The following CFAP61 variants were observed in gnomAD, a reference collection of about 807,000 sequenced individuals.
CFAP61 encodes cilia and flagella associated protein 61, also known as cilia- and flagella-associated protein 61.
In CFAP61, 107 loss-of-function variants were observed where a neutral mutation model predicts 135.6. That is an observed-to-expected ratio of 0.79 (90% confidence interval 0.67 to 0.93). CFAP61 has a LOEUF of 0.93. CFAP61 is among the 40% of genes least tolerant of loss of function. The pLI, the probability that CFAP61 is intolerant of heterozygous loss-of-function variation, is 0.00. For missense variants in CFAP61, 1,507 were observed against 1,556.2 expected (o/e 0.97, Z 0.53); for synonymous variants, 575 against 578.5 (o/e 0.99, Z 0.09).
chr20:20,303,704 T>G (rs1424362041), intron 25 of CFAP61, among the ~76,000 whole-genome samples: 1 of 152,170 alleles, frequency 6.6e-6, no homozygotes, highest in African/African-American at 2.4e-5. Context: ...TTCCTGACCT[T>G]GGCAGCATCA....
intron 26 of CFAP61, among the ~76,000 whole-genome samples, chr20:20,355,130 G>A (rs1398044052): frequency 6.7e-6 from 1 of 148,934 alleles, no homozygotes; most frequent in African/African-American, 2.5e-5. Flanking sequence ...CACTGTGAGG[G>A]GAGGTGGTCA....
At chr20:20,347,944 A>AAG (rs1555985928) in intron 26 of CFAP61, among the ~76,000 whole-genome samples, 7 of 151,340 alleles carry the variant, frequency 4.6e-5, no homozygotes, top group African/African-American at 9.7e-5. Context: ...AAAAAAAAAA[A>AAG]AAAAAAAAAT....
intron 19 of CFAP61, among the ~76,000 whole-genome samples, chr20:20,246,759 T>C (rs1316196845): frequency 6.6e-6 from 1 of 152,210 alleles, no homozygotes; most frequent in Non-Finnish European, 1.5e-5. Flanking sequence ...AAAACATGGC[T>C]ACAAGAAATA....
rs985375871 is a variant in CFAP61 at position 20,238,300 on chromosome 20, A to G, written c.2061-7817A>G. Among the ~76,000 whole-genome samples, 5 of 152,366 alleles carry G rather than the reference A, an allele frequency of 3.3e-5. No homozygotes were observed. The South Asian group carries it at 1.0e-3, about 32-fold the overall frequency. On this transcript the variant is annotated intron_variant, in intron 18 of 26. Coordinates refer to ENST00000245957, the MANE Select transcript of CFAP61 (RefSeq NM_015585.4). ...TGTGTTGTTGTTAAGACTGAATTAA[A>G]TCTGAGTTATTTTTTAACTAGTAGA...
intron 8 of CFAP61, among the ~76,000 whole-genome samples, chr20:20,099,849 G>A (rs749833552): frequency 1.2e-4 from 18 of 152,160 alleles, no homozygotes; most frequent in Non-Finnish European, 2.1e-4. Flanking sequence ...AGAAGGCAGT[G>A]ACTTGGCTAA....
intron 9 of CFAP61, among the ~76,000 whole-genome samples, chr20:20,156,293 C>G (rs1300016292): frequency 6.6e-6 from 1 of 151,742 alleles, no homozygotes; most frequent in East Asian, 1.9e-4. Context: ...TTTTAACAAA[C>G]TAAAAAAAAA....
rs575362591 is a variant in CFAP61 at position 20,178,514 on chromosome 20, A to G, written c.1385+9054A>G. 3.9e-5 allele frequency among the ~76,000 whole-genome samples: 6 copies of G among 152,304 alleles called. No individual in the cohort carries two copies. In the East Asian group the frequency reaches 1.2e-3, roughly 29 times the overall value. On this transcript the variant is annotated intron_variant, in intron 13 of 26. Coordinates refer to ENST00000245957, the MANE Select transcript of CFAP61 (RefSeq NM_015585.4). ...ACATGATGCTTTTCTGAAATTTGAC[A>G]TTTTAAATGTGGGGAAACGTTTCAG...
chr20:20,296,330 T>TCCTTCCTTCCTTCCTTCCTTC (rs1438602255), intron 24 of CFAP61, among the ~76,000 whole-genome samples: 6 of 39,522 alleles, frequency 1.5e-4, no homozygotes, highest in African/African-American at 5.5e-4. Flanking sequence ...TTCCTTCCCT[T>TCCTTCCTTCCTTCCTTCCTTC]CCTTCCTTCC....
At chr20:20,277,761 T>C (rs2053883704) in intron 22 of CFAP61, among the ~76,000 whole-genome samples, 1 of 152,224 alleles carries the variant, frequency 6.6e-6, no homozygotes, top group South Asian at 2.1e-4. Flanking sequence ...CTCATGCGGC[T>C]GAAGTCAGCA....
At chr20:20,221,606 G>A (rs1180769223) in intron 17 of CFAP61, 1 of 152,130 alleles carries the variant, frequency 6.6e-6, no homozygotes, top group Non-Finnish European at 1.5e-5. Context: ...AGAGAGGGGA[G>A]GCAATTTACG....
At chr20:20,318,936 C>T (rs1173251602) in intron 25 of CFAP61, among the ~76,000 whole-genome samples, 1 of 152,244 alleles carries the variant, frequency 6.6e-6, no homozygotes, top group African/African-American at 2.4e-5. Context: ...GCATAAAATC[C>T]TCCACCACAG....
chr20:20,229,731 A>G (rs1468065261), intron 18 of CFAP61, among the ~76,000 whole-genome samples: 1 of 152,244 alleles, frequency 6.6e-6, no homozygotes, highest in Non-Finnish European at 1.5e-5. Context: ...CAGTTTGTTC[A>G]GTTCTCCAGA....
chr20:20,272,587 C>T (rs2053448501), intron 21 of CFAP61, among the ~76,000 whole-genome samples: 1 of 152,206 alleles, frequency 6.6e-6, no homozygotes, highest in Admixed American at 6.5e-5. Flanking sequence ...GGACACATAA[C>T]TGTCAGCCCC....
At chr20:20,145,080 C>G (rs921046450) in intron 9 of CFAP61, among the ~76,000 whole-genome samples, 12 of 152,062 alleles carry the variant, frequency 7.9e-5, no homozygotes, top group Non-Finnish European at 1.3e-4. Context: ...AAATTTGGCT[C>G]TACACAAAGA....
At chr20:20,224,800 A>G (rs1253400889) in intron 17 of CFAP61, among the ~76,000 whole-genome samples, 1 of 152,236 alleles carries the variant, frequency 6.6e-6, no homozygotes, top group Non-Finnish European at 1.5e-5. Context: ...TTTCCCATCC[A>G]TATTATTCTT....
At chr20:20,144,728 C>G (rs2051724817) in intron 9 of CFAP61, among the ~76,000 whole-genome samples, 1 of 151,964 alleles carries the variant, frequency 6.6e-6, no homozygotes, top group African/African-American at 2.4e-5. Flanking sequence ...ATACCAAAGC[C>G]AGTGGAAAAC....
intron 3 of CFAP61, among the ~76,000 whole-genome samples, 168 bp downstream of exon 3, chr20:20,071,172 G>C (rs968071091): frequency 2.6e-5 from 4 of 152,210 alleles, no homozygotes; most frequent in East Asian, 3.8e-4. Context: ...GTAGTGCCAG[G>C]GGGGATAGGA....
At chr20:20,097,423 CTT>C (rs1568894305) in intron 7 of CFAP61, among the ~76,000 whole-genome samples, 1 of 152,122 alleles carries the variant, frequency 6.6e-6, no homozygotes, top group Admixed American at 6.5e-5. Flanking sequence ...TTTTCTCTCT[CTT>C]TTTAAATTTT....
At chr20:20,118,416 C>T (rs1204918796) in intron 8 of CFAP61, among the ~76,000 whole-genome samples, 1 of 151,004 alleles carries the variant, frequency 6.6e-6, no homozygotes, top group African/African-American at 2.4e-5. Flanking sequence ...TCTCGGTTCA[C>T]TAACACCTCC....
Sources: gnomAD v4.1 joint callset for allele counts (sites outside exome capture counted in the v4.1 genomes callset) on GRCh38, gnomAD v4.1.1 for gene constraint, MANE v1.5 for transcripts, NCBI Gene and HGNC (gene_info 2026-07-23, HGNC 2026-07-21) for gene names.